The following SH3RF2 variants were observed in gnomAD, a reference collection of about 807,000 sequenced individuals.
The protein encoded by SH3RF2 is E3 ubiquitin-protein ligase SH3RF2.
A neutral mutation model predicts 59.0 loss-of-function variants in SH3RF2; 43 were observed. That is an observed-to-expected ratio of 0.73 (90% CI 0.57 to 0.94). The LOEUF is 0.94. SH3RF2 is among the 40% of genes least tolerant of loss of function. The pLI, the probability that SH3RF2 is intolerant of heterozygous loss-of-function variation, is 0.00. For synonymous variants in SH3RF2, 391 were observed against 391.5 expected (o/e 1.00, Z 0.01); for missense variants, 930 against 940.1 (o/e 0.99, Z 0.14).
chr5:146,055,850 GGGTGGGAAGAA>G, intron 7 of SH3RF2, 120 bp from the exon 8 acceptor site: 1 of 1,011,160 alleles, frequency 9.9e-7, no homozygotes. Context: ...GGGTGTGTAT[GGGTGGGAAGAA>G]GGTGAGAAGT....
Position 146,013,822 on chromosome 5 carries a change from G to T in SH3RF2, c.820G>T (p.Val274Leu). 6.2e-7 allele frequency: 1 copy of T among 1,614,112 alleles called. No homozygotes were observed. Among genetic ancestry groups the T allele is most frequent in the Non-Finnish European group, 8.5e-7 (1 of 1,180,010 alleles). ...ATCCCGCACAAAAAACCTGTCCCTG[G>T]TGTCCTCGTCCTCCAGAGGCAACAC... ...QSSRTKNLSL[V>L]SSSSRGNTST... Residue 274 changes from valine to leucine, a missense_variant, in exon 5 of 10, where the codon GTG (valine) becomes TTG (leucine). By Grantham distance (32) the Val-to-Leu change is conservative (BLOSUM62 1). Coordinates refer to ENST00000359120, the MANE Select transcript of SH3RF2 (RefSeq NM_152550.4).
Position 146,013,930 on chromosome 5 carries a change from C to T in SH3RF2, c.928C>T (p.Arg310Trp), listed in dbSNP as rs149514957. 929 of 1,614,124 alleles carry T rather than the reference C, an allele frequency of 5.8e-4. 2 individuals carry two copies. The highest frequency in any genetic ancestry group is 5.5e-3 in the African/African-American group (414 of 75,008). Residue 310 changes from arginine (R) to tryptophan (W), a missense_variant, in exon 5 of 10, where the codon CGG (arginine) becomes TGG (tryptophan). Physicochemically the swap from Arg to Trp is moderately radical, Grantham distance 101 (BLOSUM62 -3). Coordinates refer to ENST00000359120, the MANE Select transcript of SH3RF2 (RefSeq NM_152550.4). ...CACAACAGCCTTGAACACTCTCAAC[C>T]GGATGGTCCATTCTCCTTCAGGGCG... Reference protein sequence around the residue: ...SITTALNTLNRMVHSPSGRHM... With the variant: ...SITTALNTLNWMVHSPSGRHM...
intron 2 of SH3RF2, among the ~76,000 whole-genome samples, chr5:145,965,037 T>G (rs1042946341): frequency 6.6e-6 from 1 of 151,742 alleles, no homozygotes; most frequent in East Asian, 1.9e-4. Context: ...TACTAAAACA[T>G]AAAAAATTAG....
chr5:146,033,627 C>A (rs1287263297), intron 5 of SH3RF2, among the ~76,000 whole-genome samples: 5 of 151,666 alleles, frequency 3.3e-5, no homozygotes, highest in African/African-American at 4.8e-5. Flanking sequence ...CGCACCACCA[C>A]GCCCAGCTAA....
At chr5:146,008,403 T>C (rs1760735051) in intron 4 of SH3RF2, among the ~76,000 whole-genome samples, 1 of 152,188 alleles carries the variant, frequency 6.6e-6, no homozygotes, top group Non-Finnish European at 1.5e-5. Flanking sequence ...CTTATTTCAT[T>C]ATAGCCAAGA....
chr5:145,965,317 A>G (rs961792690), intron 2 of SH3RF2, among the ~76,000 whole-genome samples: 3 of 152,286 alleles, frequency 2.0e-5, no homozygotes, highest in African/African-American at 7.2e-5. Flanking sequence ...CCCTCAGGCA[A>G]TGTCTGATTG....
At chr5:145,991,632 C>T (rs142894614) in intron 2 of SH3RF2, among the ~76,000 whole-genome samples, 112 of 152,166 alleles carry the variant, frequency 7.4e-4, no homozygotes, top group African/African-American at 2.6e-3. Flanking sequence ...TTCATTTGCA[C>T]AATATTTATT....
intron 2 of SH3RF2, among the ~76,000 whole-genome samples, chr5:145,955,438 A>G (rs1022475980): frequency 6.6e-6 from 1 of 152,128 alleles, no homozygotes; most frequent in African/African-American, 2.4e-5. Flanking sequence ...AGGATTGAAA[A>G]ACTATCTATT....
At chr5:145,947,812 A>G (rs1033516237) in intron 2 of SH3RF2, among the ~76,000 whole-genome samples, 1 of 152,182 alleles carries the variant, frequency 6.6e-6, no homozygotes, top group Non-Finnish European at 1.5e-5. Flanking sequence ...TTGGGCTCCA[A>G]AAGTGAGAGA....
chr5:145,979,630 A>G (rs1759435488), intron 2 of SH3RF2, among the ~76,000 whole-genome samples: 1 of 152,196 alleles, frequency 6.6e-6, no homozygotes, highest in Non-Finnish European at 1.5e-5. Flanking sequence ...GGCCAACTCA[A>G]AAAACTTTTG....
chr5:146,022,392 G>C (rs1434358401), intron 5 of SH3RF2, among the ~76,000 whole-genome samples: 1 of 152,124 alleles, frequency 6.6e-6, no homozygotes, highest in Non-Finnish European at 1.5e-5. Context: ...ATTATGAAGA[G>C]AGACTAGGTT....
chr5:145,978,467 G>A (rs928000246), intron 2 of SH3RF2, among the ~76,000 whole-genome samples: 5 of 152,130 alleles, frequency 3.3e-5, no homozygotes, highest in Middle Eastern at 3.2e-3. Context: ...CTCCTGCTTC[G>A]TCTACTCTTC....
At chr5:146,026,707 G>A (rs1761543202) in intron 5 of SH3RF2, among the ~76,000 whole-genome samples, 1 of 152,108 alleles carries the variant, frequency 6.6e-6, no homozygotes, top group Non-Finnish European at 1.5e-5. Context: ...GTATAGTAAG[G>A]AAATAAAAAT....
intron 4 of SH3RF2, among the ~76,000 whole-genome samples, chr5:146,005,767 C>A (rs1760618320): frequency 1.3e-5 from 2 of 151,806 alleles, no homozygotes; most frequent in Non-Finnish European, 2.9e-5. Context: ...AGTAGTTAAA[C>A]CCTCAATGGC....
In SH3RF2 at chr5:146,018,287, T is replaced by C. The variant is rs886585018; in HGVS notation, c.1059+4226T>C. On this transcript the variant is annotated intron_variant, in intron 5 of 9. Coordinates refer to ENST00000359120, the MANE Select transcript of SH3RF2 (RefSeq NM_152550.4). ...TCCTTTGAGTCTCCCATTTCCATTA[T>C]ACCACTCTGTATGCCTTTTCATACC... Among the ~76,000 whole-genome samples, 15 of 152,282 alleles carry C rather than the reference T, an allele frequency of 9.9e-5. No homozygotes were observed. The East Asian group carries it at 2.9e-3, about 29-fold the overall frequency.
At chr5:146,070,761 A>G (rs968559510) in intron 9 of SH3RF2, among the ~76,000 whole-genome samples, 14 of 152,164 alleles carry the variant, frequency 9.2e-5, no homozygotes, top group African/African-American at 3.4e-4. Context: ...CGAAGTTCAA[A>G]TGCAATTTCT....
chr5:145,954,379 C>T (rs1209705914), intron 2 of SH3RF2, among the ~76,000 whole-genome samples: 1 of 152,086 alleles, frequency 6.6e-6, no homozygotes, highest in African/African-American at 2.4e-5. Flanking sequence ...TGTTCATGTT[C>T]CTTGCCCACT....
intron 2 of SH3RF2, among the ~76,000 whole-genome samples, chr5:145,980,330 AT>A: frequency 6.6e-6 from 1 of 152,132 alleles, no homozygotes; most frequent in Admixed American, 6.6e-5. Flanking sequence ...ACACATATGT[AT>A]TTTGTATTAG....
downstream of SH3RF2, among the ~76,000 whole-genome samples, chr5:146,064,674 GAAAGAAA>G (rs1763016062): frequency 9.6e-4 from 4 of 4,176 alleles, no homozygotes; most frequent in Admixed American, 6.3e-3. Flanking sequence ...GAGAAAGAAA[GAAAGAAA>G]GAAAGAAAGA....
Sources: gnomAD v4.1 joint callset for allele counts (sites outside exome capture counted in the v4.1 genomes callset) on GRCh38, gnomAD v4.1.1 for gene constraint, MANE v1.5 for transcripts, NCBI Gene and HGNC (gene_info 2026-07-23, HGNC 2026-07-21) for gene names.